The following JAKMIP1 variants were observed in gnomAD, a reference collection of about 807,000 sequenced individuals.
JAKMIP1 encodes the protein janus kinase and microtubule-interacting protein 1.
JAKMIP1 carries 33 observed loss-of-function variants against 113.0 expected under a neutral mutation model. The observed-to-expected ratio is 0.29, with a 90% confidence interval of 0.22 to 0.39. The LOEUF is 0.39. Ranked by LOEUF, JAKMIP1 falls within the 10% of genes least tolerant of loss-of-function variation. The pLI is 1.00. For missense variants in JAKMIP1, 813 were observed against 1,080.5 expected (o/e 0.75, Z 3.47); for synonymous variants, 480 against 459.9 (o/e 1.04, Z -0.56).
intron 1 of JAKMIP1, among the ~76,000 whole-genome samples, chr4:6,117,730 G>C (rs897704621): frequency 1.3e-5 from 2 of 151,894 alleles, no homozygotes; most frequent in Non-Finnish European, 2.9e-5. Context: ...ACGCCCCGGG[G>C]GGCCAGTTCA....
In JAKMIP1 at chr4:6,078,977, A is replaced by T. The variant is rs192915240; in HGVS notation, c.1264T>A (p.Ser422Thr). Residue 422 changes from serine (S) to threonine (T), a missense_variant, in exon 8 of 21, where the codon TCC becomes ACC. Ser to Thr is a moderately conservative substitution (Grantham distance 58). Transcript: ENST00000409021. ...LSLERERLLR[S>T]KRHRGKSLKP... ...AGACTTTTCCCTCGATGCCTTTTGGAGCGCAACAGCCGTTCTCTCTCCTAG... is the reference window on the plus strand; with the variant it reads ...AGACTTTTCCCTCGATGCCTTTTGGTGCGCAACAGCCGTTCTCTCTCCTAG... 5.6e-6 allele frequency: 9 copies of T among 1,614,096 alleles called. No individual in the cohort carries two copies. In the East Asian group the frequency reaches 2.0e-4, roughly 36 times the overall value.
At chr4:6,114,161 G>T (rs925918411) in intron 1 of JAKMIP1, among the ~76,000 whole-genome samples, 2 of 152,224 alleles carry the variant, frequency 1.3e-5, no homozygotes, top group African/African-American at 4.8e-5. Flanking sequence ...TGTAGGGAAT[G>T]AATGCAGAGC....
intron 1 of JAKMIP1, among the ~76,000 whole-genome samples, chr4:6,152,670 G>T (rs1263007219): frequency 1.3e-5 from 2 of 151,640 alleles, no homozygotes; most frequent in South Asian, 2.1e-4. Flanking sequence ...GGCCGAGTGT[G>T]GTGCCTCATG....
Position 6,044,041 on chromosome 4 carries a change from C to G in JAKMIP1, c.2029-1814G>C, listed in dbSNP as rs1196701715. On this transcript the variant is annotated intron_variant, in intron 16 of 20. Coordinates refer to ENST00000409021, the MANE Select transcript of JAKMIP1 (RefSeq NM_001099433.2). The surrounding 1 kb of genome is among the most constrained non-coding windows in gnomAD (Gnocchi z 4.4). ...CCCAGCCTCAGCCCCAGGCCTTTAACAAGCTAGCATCACTCAGTCTTCAGG... is the reference window on the plus strand; with the variant it reads ...CCCAGCCTCAGCCCCAGGCCTTTAAGAAGCTAGCATCACTCAGTCTTCAGG... Among the ~76,000 whole-genome samples the G allele has an allele frequency of 6.6e-6, 1 of 152,088 alleles. No homozygotes were observed. The highest frequency in any genetic ancestry group is 2.4e-5 in the African/African-American group (1 of 41,408).
rs1166378926 is a variant in JAKMIP1, at chr4:6,080,101, C to T, written c.1242+71G>A. On this transcript the variant is annotated intron_variant, in intron 7 of 20. Transcript: ENST00000409021. This position sits in a 1 kb window ranked among gnomAD's most constrained non-coding sequence, Gnocchi z 6.0. ...GCAGCATCACCCTGAGCCCCAACAC[C>T]CGTTCCTGACACCCATGTCAGCTGG... The T allele has an allele frequency of 6.7e-7, 1 of 1,499,678 alleles. No homozygotes were observed. Among genetic ancestry groups the T allele is most frequent in the Non-Finnish European group, 9.0e-7 (1 of 1,116,892 alleles). The allele number at this position is 1,499,678 out of a possible 1,614,324, so 92.9% of individuals were successfully genotyped here. A position where few individuals can be genotyped will look rare whatever the true frequency, so the allele number is the denominator to read the frequency against.
At chr4:6,054,841 C>T (rs895339445) in intron 12 of JAKMIP1, 20 of 456,620 alleles carry the variant, frequency 4.4e-5, no homozygotes, top group Middle Eastern at 3.2e-4. Flanking sequence ...TTGAGTAAAG[C>T]CTCATAGCAC....
rs578197003 is a variant in JAKMIP1, at chr4:6,197,723, C to T, written c.-148+2530G>A. Among the ~76,000 whole-genome samples the T allele has an allele frequency of 4.3e-4, 65 of 152,320 alleles. No individual in the cohort carries two copies. Among genetic ancestry groups the T allele is most frequent in the African/African-American group, 1.4e-3 (57 of 41,568 alleles). On this transcript the variant is annotated intron_variant, in intron 1 of 20. Transcript: ENST00000409021. The surrounding 1 kb of genome is among the most constrained non-coding windows in gnomAD (Gnocchi z 6.5). ...AGAAAGCCCAGCAGGGAGGCACTTG[C>T]CCAGTCACAGCTAAGTGAGGCAGGG... is the stretch of plus-strand genomic sequence containing the variant.
Position 6,085,552 on chromosome 4 carries a change from CT to C in JAKMIP1, c.701del (p.Gln234ArgfsTer54). The C allele has an allele frequency of 6.2e-7, 1 of 1,614,248 alleles. No homozygotes were observed. The highest frequency in any genetic ancestry group is 8.5e-7 in the Non-Finnish European group (1 of 1,180,038). Reference protein sequence around the residue: ...KELGVQAGQTQKLLLQKEALD... With the variant: ...KELGVQAGQTXKLLLQKEALD... Reference sequence around the variant, plus strand: ...AAGCCTCTTTCTGCAGAAGCAGCTTCTGGGTCTGCCCAGCCTGCACGCCAAG... The same window carrying C: ...AAGCCTCTTTCTGCAGAAGCAGCTTCGGGTCTGCCCAGCCTGCACGCCAAG... On this transcript the variant is annotated frameshift_variant, in exon 4 of 21. Transcript: ENST00000409021. LOFTEE classifies it high-confidence loss of function.
intron 1 of JAKMIP1, among the ~76,000 whole-genome samples, chr4:6,189,302 G>A (rs1223085145): frequency 5.3e-5 from 8 of 152,232 alleles, no homozygotes; most frequent in Non-Finnish European, 1.0e-4. Context: ...GAAACTTTGA[G>A]TTTTACAGAA....
intron 3 of JAKMIP1, among the ~76,000 whole-genome samples, chr4:6,096,198 CT>C (rs1014793072): frequency 2.6e-5 from 4 of 152,186 alleles, no homozygotes; most frequent in African/African-American, 9.7e-5. Context: ...TACACCCTAC[CT>C]TTAAAAAAAA....
At chr4:6,120,164 A>G (rs1461054920) in intron 1 of JAKMIP1, among the ~76,000 whole-genome samples, 3 of 142,378 alleles carry the variant, frequency 2.1e-5, no homozygotes, top group African/African-American at 7.8e-5. Flanking sequence ...AGTTTATCCT[A>G]AAGAATCTAG....
rs1726811905 is a variant in JAKMIP1 at position 6,187,844 on chromosome 4, G to C, written c.-148+12409C>G. Among the ~76,000 whole-genome samples, 1 of 152,166 alleles carries C rather than the reference G, an allele frequency of 6.6e-6. No homozygotes were observed. Among genetic ancestry groups the C allele is most frequent in the Non-Finnish European group, 1.5e-5 (1 of 68,040 alleles). ...TTATTTAACCTATTCATCTTTAATAGTATTGATATAGTTGGACTTATGTCT... is the reference window on the plus strand; with the variant it reads ...TTATTTAACCTATTCATCTTTAATACTATTGATATAGTTGGACTTATGTCT... On this transcript the variant is annotated intron_variant, in intron 1 of 20. Transcript: ENST00000409021. The surrounding 1 kb of genome is among the most constrained non-coding windows in gnomAD (Gnocchi z 4.2).
intron 18 of JAKMIP1, among the ~76,000 whole-genome samples, chr4:6,039,017 T>C (rs1713951103): frequency 1.3e-5 from 2 of 152,244 alleles, no homozygotes; most frequent in Non-Finnish European, 2.9e-5. Context: ...TTCCTGACTG[T>C]TCATGAGAAT....
At chr4:6,052,294 C>T (rs566501379) in intron 13 of JAKMIP1, among the ~76,000 whole-genome samples, 20 of 152,072 alleles carry the variant, frequency 1.3e-4, no homozygotes, top group African/African-American at 4.8e-4. Context: ...AGCAAATTTA[C>T]TTAAATGGCG....
chr4:6,053,755 T>C, intron 13 of JAKMIP1: 1 of 1,226,234 alleles, frequency 8.2e-7, no homozygotes, highest in African/African-American at 1.6e-5. Context: ...AAAGGCAAAA[T>C]ATTGCAAAAA....
rs1444390559 is a variant in JAKMIP1, at chr4:6,162,583, C to T, written c.-148+37670G>A. 6.6e-6 allele frequency among the ~76,000 whole-genome samples: 1 copy of T among 152,208 alleles called. No homozygotes were observed. The highest frequency in any genetic ancestry group is 1.9e-4 in the East Asian group (1 of 5,200). On this transcript the variant is annotated intron_variant, in intron 1 of 20. Coordinates refer to ENST00000409021, the MANE Select transcript of JAKMIP1 (RefSeq NM_001099433.2). This position sits in a 1 kb window ranked among gnomAD's most constrained non-coding sequence, Gnocchi z 5.6. ...GTTAACTTGCACAAGGCAGTCATGT[C>T]AACAGGGCAAAGGCACCATCTCGTT...
intron 13 of JAKMIP1, among the ~76,000 whole-genome samples, chr4:6,052,349 C>T (rs1473767110): frequency 6.6e-6 from 1 of 151,958 alleles, no homozygotes; most frequent in African/African-American, 2.4e-5. Context: ...TTTATATGAA[C>T]AAAAGTCATT....
chr4:6,056,613 G>T, intron 12 of JAKMIP1, 84 bp downstream of exon 12: 1 of 1,036,460 alleles, frequency 9.6e-7, no homozygotes, highest in South Asian at 1.3e-5. Context: ...AAATGGCGCT[G>T]GGCACGACCC....
Position 6,049,723 on chromosome 4 carries a change from AG to A in JAKMIP1, c.1962+95del, listed in dbSNP as rs1715427092. The A allele has an allele frequency of 2.2e-6, 2 of 904,572 alleles. No homozygotes were observed. The highest frequency in any genetic ancestry group is 3.6e-6 in the Non-Finnish European group (2 of 559,272). 56.0% of individuals were successfully genotyped at this position (904,572 alleles called of 1,614,324 possible). On this transcript the variant is annotated intron_variant, in intron 15 of 20. Transcript: ENST00000409021. This position sits in a 1 kb window ranked among gnomAD's most constrained non-coding sequence, Gnocchi z 7.0. ...TTGTACTTCTTAGATCTCTTACATC[AG>A]AGAGAAATTAAAAACAAAACAAAAC...
Sources: gnomAD v4.1 joint callset for allele counts (sites outside exome capture counted in the v4.1 genomes callset) on GRCh38, gnomAD v4.1.1 for gene constraint, Gnocchi (gnomAD v3.1) non-coding constraint, MANE v1.5 for transcripts, NCBI Gene and HGNC (gene_info 2026-07-23, HGNC 2026-07-21) for gene names.